The following TRIM38 variants were observed in gnomAD, a reference collection of about 807,000 sequenced individuals.
TRIM38 encodes tripartite motif containing 38.
In TRIM38, 35 loss-of-function variants were observed where a neutral mutation model predicts 35.8. The observed-to-expected ratio is 0.98, with a 90% CI of 0.75 to 1.30. The LOEUF (loss-of-function observed/expected upper bound fraction) is 1.30. TRIM38 is among the 50% of genes most tolerant of loss of function. The pLI is 0.00. For missense variants in TRIM38, 545 were observed against 556.9 expected (o/e 0.98, Z 0.21); for synonymous variants, 198 against 204.7 (o/e 0.97, Z 0.28).
Position 25,983,291 on chromosome 6 carries a change from C to A in TRIM38, c.1002C>A (p.Pro334=). 1 of 1,614,158 alleles carries A rather than the reference C, an allele frequency of 6.2e-7. No individual in the cohort carries two copies. The highest frequency in any genetic ancestry group is 8.5e-7 in the Non-Finnish European group (1 of 1,180,016). Residue 334 remains proline (P), a synonymous_variant, in exon 8 of 8, where the codon CCC becomes CCA. Transcript: ENST00000357085. Reference sequence around the variant, plus strand: ...CTTCCAGGAGATTTACTGCCTTCCCCTGTGTCTTGGGTTGTGAAGGCTTCA... The same window carrying A: ...CTTCCAGGAGATTTACTGCCTTCCCATGTGTCTTGGGTTGTGAAGGCTTCA... ...DTSSRRFTAF[P]CVLGCEGFTS...
intron 4 of TRIM38, among the ~76,000 whole-genome samples, chr6:25,970,605 G>A (rs955431328): frequency 6.6e-6 from 1 of 152,014 alleles, no homozygotes; most frequent in Non-Finnish European, 1.5e-5. Flanking sequence ...GACCTTGATT[G>A]TAACTAACAT....
chr6:25,966,836 A>T lies in TRIM38; in HGVS notation c.314A>T (p.Glu105Val). The T allele has an allele frequency of 1.2e-6, 2 of 1,614,194 alleles. No homozygotes were observed. The highest frequency in any genetic ancestry group is 8.5e-7 in the Non-Finnish European group (1 of 1,180,036). The change falls in exon 3 of 8, where the codon GAA (glutamate) becomes GTA (valine). Residue 105 changes from glutamate (E) to valine (V), a missense_variant. Physicochemically the swap from Glu to Val is moderately radical, Grantham distance 121. Transcript: ENST00000357085. ...EHGEQFHLFC[E>V]DEGQLICWRC... ...GGAGAGCAGTTCCACCTGTTCTGCG[A>T]AGACGAGGGGCAGCTCATCTGCTGG...
chr6:25,982,768 T>C (rs904828585), intron 7 of TRIM38, among the ~76,000 whole-genome samples: 2 of 152,196 alleles, frequency 1.3e-5, no homozygotes, highest in African/African-American at 4.8e-5. Context: ...AATAGTTGGG[T>C]TTGAACACAG....
chr6:25,977,523 A>C (rs1485235064), intron 7 of TRIM38, among the ~76,000 whole-genome samples: 1 of 152,188 alleles, frequency 6.6e-6, no homozygotes, highest in Non-Finnish European at 1.5e-5. Flanking sequence ...TACAAAAATT[A>C]GCCAGGTGTG....
chr6:25,975,225 T>G, intron 7 of TRIM38: 2 of 770,680 alleles, frequency 2.6e-6, no homozygotes, highest in Non-Finnish European at 3.2e-6. Flanking sequence ...TTCAAATTTT[T>G]TTTTGAGATG....
At chr6:25,973,415 T>C (rs1473402280) in intron 7 of TRIM38, 130 bp downstream of exon 7, 2 of 1,456,322 alleles carry the variant, frequency 1.4e-6, no homozygotes, top group Non-Finnish European at 1.8e-6. Flanking sequence ...AGAGCTTTCA[T>C]ACTTTCTCTA....
intron 5 of TRIM38, 22 bp downstream of exon 5, chr6:25,972,121 A>C (rs1397855791): frequency 6.3e-7 from 1 of 1,599,390 alleles, no homozygotes; most frequent in Non-Finnish European, 8.6e-7. Flanking sequence ...TACTTGGAGT[A>C]GGGAAAAAAG....
chr6:25,976,752 G>A (rs945865807), intron 7 of TRIM38, among the ~76,000 whole-genome samples: 1 of 152,194 alleles, frequency 6.6e-6, no homozygotes, highest in African/African-American at 2.4e-5. Flanking sequence ...TGTGAGGGAT[G>A]CATATCATAA....
chr6:25,982,799 C>G (rs746036571), intron 7 of TRIM38, among the ~76,000 whole-genome samples: 3 of 152,182 alleles, frequency 2.0e-5, no homozygotes, highest in Non-Finnish European at 4.4e-5. Flanking sequence ...TTGAAAATAA[C>G]TTGTGGCTGG....
rs1461173906 is a variant in TRIM38 at position 25,988,631 on chromosome 6, T to C, written c.*4944T>C. On this transcript the variant is annotated 3_prime_UTR_variant, in exon 8 of 8. Transcript: ENST00000357085. ...ATCTCAGCCTCCCGAGTAGCTGGGATTACAGGCTCACGCCACTATGCCCGG... is the reference window on the plus strand; with the variant it reads ...ATCTCAGCCTCCCGAGTAGCTGGGACTACAGGCTCACGCCACTATGCCCGG... 1 of 151,708 alleles carries C rather than the reference T, an allele frequency of 6.6e-6. No homozygotes were observed. Among genetic ancestry groups the C allele is most frequent in the Non-Finnish European group, 1.5e-5 (1 of 67,978 alleles). The allele number at this position is 151,708 out of a possible 1,614,324, so 9.4% of individuals were successfully genotyped here.
chr6:25,971,980 C>T lies in TRIM38; in HGVS notation c.619C>T (p.Gln207Ter), dbSNP rs1760248988. The T allele has an allele frequency of 6.2e-7, 1 of 1,614,028 alleles. No individual in the cohort carries two copies. The highest frequency in any genetic ancestry group is 1.3e-5 in the African/African-American group (1 of 74,902). ...YLWRLEKEEQ[Q>*]TLSRLRDYEA... ...CTGGAGGCTGGAGAAAGAAGAACAA[C>T]AGACTCTGAGTAGACTGAGGGACTA... is the stretch of plus-strand genomic sequence containing the variant. Residue 207 changes from glutamine (Q) to a stop codon, truncating the protein, a stop_gained, in exon 5 of 8, where the codon CAG becomes TAG. Coordinates refer to ENST00000357085, the MANE Select transcript of TRIM38 (RefSeq NM_006355.5). LOFTEE classifies it high-confidence loss of function.
At chr6:25,975,095 C>G in intron 7 of TRIM38, 2 of 932,582 alleles carry the variant, frequency 2.1e-6, no homozygotes, top group Non-Finnish European at 2.6e-6. Flanking sequence ...TGCAGTGGTG[C>G]GATCTCGGCT....
chr6:25,970,736 TATTTTTATTTTTTA>T (rs1417479113), intron 4 of TRIM38, among the ~76,000 whole-genome samples: 4 of 152,310 alleles, frequency 2.6e-5, no homozygotes, highest in Admixed American at 2.0e-4. Context: ...TGTATGAATT[TATTTTTATTTTTTA>T]ATTTTTATTT....
intron 3 of TRIM38, among the ~76,000 whole-genome samples, chr6:25,968,589 G>A (rs1163888711): frequency 2.0e-5 from 3 of 152,060 alleles, no homozygotes; most frequent in South Asian, 2.1e-4. Flanking sequence ...GAGAACACTC[G>A]AGAATGAATG....
intron 4 of TRIM38, 49 bp from the exon 5 acceptor site, chr6:25,971,820 T>G: frequency 6.7e-7 from 1 of 1,488,282 alleles, no homozygotes; most frequent in Non-Finnish European, 9.4e-7. Flanking sequence ...CATCCATAGA[T>G]GGACATTTGG....
At position 25,987,848 on chromosome 6, in the gene TRIM38, TC is replaced by T. The variant is rs1760755517; in HGVS notation, c.*4163del. ...TCCTGTGTTCTGCCTTTTCAACACT[TC>T]CTGTCACCCAATTTCTATCAACTAA... On this transcript the variant is annotated 3_prime_UTR_variant, in exon 8 of 8. Coordinates refer to ENST00000357085, the MANE Select transcript of TRIM38 (RefSeq NM_006355.5). 1 of 152,248 alleles carries T rather than the reference TC, an allele frequency of 6.6e-6. No homozygotes were observed. Among genetic ancestry groups the T allele is most frequent in the Admixed American group, 6.5e-5 (1 of 15,282 alleles). 9.4% of individuals were successfully genotyped at this position (152,248 alleles called of 1,614,324 possible).
At chr6:25,977,872 A>G (rs1760442365) in intron 7 of TRIM38, among the ~76,000 whole-genome samples, 1 of 152,078 alleles carries the variant, frequency 6.6e-6, no homozygotes, top group African/African-American at 2.4e-5. Context: ...GCAAGTTCAT[A>G]TATTTTGTTA....
At position 25,966,881 on chromosome 6, in the gene TRIM38, A is replaced by T; in HGVS notation, c.359A>T (p.Gln120Leu). Residue 120 changes from glutamine (Q) to leucine (L), a missense_variant, in exon 3 of 8, where the codon CAG becomes CTG. Transcript: ENST00000357085. ...TGCTGGCGCTGTGAGCGGGCACCAC[A>T]GCACAAAGGGCACACCACAGCTCTT... Reference protein sequence around the residue: ...LICWRCERAPQHKGHTTALVE... With the variant: ...LICWRCERAPLHKGHTTALVE... The T allele has an allele frequency of 6.2e-7, 1 of 1,614,188 alleles. No homozygotes were observed. The highest frequency in any genetic ancestry group is 8.5e-7 in the Non-Finnish European group (1 of 1,180,008).
intron 7 of TRIM38, among the ~76,000 whole-genome samples, chr6:25,977,756 A>C (rs1760439806): frequency 6.6e-6 from 1 of 152,076 alleles, no homozygotes; most frequent in African/African-American, 2.4e-5. Flanking sequence ...AGGGACAAAA[A>C]AATTTAGCTG....
Sources: allele counts gnomAD v4.1 joint callset (sites outside exome capture counted in the v4.1 genomes callset), GRCh38; gene constraint gnomAD v4.1.1; transcripts MANE v1.5; gene names NCBI Gene and HGNC (gene_info 2026-07-23, HGNC 2026-07-21).